CLEC16A: variants seen among roughly 807,000 people sequenced by gnomAD.
CLEC16A encodes the protein C-type lectin domain containing 16A.
CLEC16A carries 51 observed loss-of-function variants against 109.5 expected under a neutral mutation model. That is an observed-to-expected ratio of 0.47 (90% CI 0.37 to 0.59). The LOEUF (loss-of-function observed/expected upper bound fraction) is 0.59. Ranked by LOEUF, CLEC16A falls within the 20% of genes least tolerant of loss-of-function variation. The pLI, the probability that CLEC16A is intolerant of heterozygous loss-of-function variation, is 0.00. For synonymous variants in CLEC16A, 673 were observed against 564.2 expected, an observed-to-expected ratio of 1.19 and a Z score of -2.73; for missense variants, 1,339 against 1,394.0, an observed-to-expected ratio of 0.96 and a Z score of 0.63.
intron 19 of CLEC16A, among the ~76,000 whole-genome samples, chr16:11,111,749 C>G (rs2051601682): frequency 6.6e-6 from 1 of 152,184 alleles, no homozygotes. Flanking sequence ...AGGCATTAGG[C>G]TGTAATTTAA....
chr16:11,147,695 A>G (rs757488903), intron 22 of CLEC16A, among the ~76,000 whole-genome samples: 3 of 152,236 alleles, frequency 2.0e-5, no homozygotes, highest in Non-Finnish European at 4.4e-5. Context: ...TTCTATCTCA[A>G]TGAAACTGTT....
intron 18 of CLEC16A, among the ~76,000 whole-genome samples, chr16:11,054,797 A>C (rs1000762718): frequency 6.6e-6 from 1 of 152,172 alleles, no homozygotes; most frequent in Non-Finnish European, 1.5e-5. Flanking sequence ...GAACACACCA[A>C]TGTGCTTTGA....
intron 11 of CLEC16A, among the ~76,000 whole-genome samples, chr16:11,007,883 A>G (rs1289994728): frequency 6.6e-6 from 1 of 152,054 alleles, no homozygotes; most frequent in Non-Finnish European, 1.5e-5. Context: ...CAGTAGAGAG[A>G]TGTTGTGGGG....
chr16:11,000,714 A>AT (rs1222365827), intron 10 of CLEC16A, among the ~76,000 whole-genome samples: 2 of 152,088 alleles, frequency 1.3e-5, no homozygotes, highest in African/African-American at 4.8e-5. Flanking sequence ...TTTATGTGTC[A>AT]TTTTTTTGTG....
chr16:11,078,938 C>T (rs1017264653), intron 19 of CLEC16A, among the ~76,000 whole-genome samples: 3 of 152,178 alleles, frequency 2.0e-5, no homozygotes, highest in African/African-American at 7.2e-5. Flanking sequence ...GGAAGTTAAG[C>T]TTGCATACAG....
At chr16:11,027,160 G>C (rs547122760) in intron 13 of CLEC16A, 5 of 1,428,564 alleles carry the variant, frequency 3.5e-6, no homozygotes, top group African/African-American at 2.8e-5. Flanking sequence ...AAAGGAAAAG[G>C]GCTCAGGTTT....
intron 22 of CLEC16A, among the ~76,000 whole-genome samples, chr16:11,145,412 C>T (rs1215792033): frequency 5.9e-5 from 9 of 152,226 alleles, no homozygotes; most frequent in Admixed American, 2.0e-4. Context: ...ATGTCATCCG[C>T]GGCCTCTCCC....
intron 22 of CLEC16A, among the ~76,000 whole-genome samples, chr16:11,165,208 C>T (rs1009071486): frequency 2.0e-5 from 3 of 152,108 alleles, no homozygotes; most frequent in South Asian, 2.1e-4. Context: ...GAACACGTAT[C>T]GGCCAGGTGT....
chr16:11,110,215 C>T (rs1016550852), intron 19 of CLEC16A, among the ~76,000 whole-genome samples: 6 of 152,230 alleles, frequency 3.9e-5, no homozygotes, highest in African/African-American at 1.4e-4. Flanking sequence ...ACAAATACTT[C>T]TTCAGCACCA....
intron 19 of CLEC16A, among the ~76,000 whole-genome samples, chr16:11,100,099 T>G (rs1219825651): frequency 6.6e-6 from 1 of 152,124 alleles, no homozygotes; most frequent in Non-Finnish European, 1.5e-5. Context: ...TTCTTAACTT[T>G]TGCCTAAAAA....
chr16:11,129,002 C>G (rs952791397), intron 22 of CLEC16A, among the ~76,000 whole-genome samples: 10 of 152,196 alleles, frequency 6.6e-5, no homozygotes, highest in African/African-American at 1.7e-4. Context: ...CCACATCTCT[C>G]CTTCTGATCT....
At chr16:11,136,532 T>C (rs544462824) in intron 22 of CLEC16A, among the ~76,000 whole-genome samples, 4 of 152,340 alleles carry the variant, frequency 2.6e-5, no homozygotes, top group Non-Finnish European at 5.9e-5. Flanking sequence ...ATAGGTTCCT[T>C]TTCTACACAT....
At chr16:11,144,555 G>A (rs1400869386) in intron 22 of CLEC16A, among the ~76,000 whole-genome samples, 1 of 152,232 alleles carries the variant, frequency 6.6e-6, no homozygotes, top group South Asian at 2.1e-4. Flanking sequence ...TGGTTCTTTT[G>A]GAAGTACGGA....
At chr16:11,031,969 G>A (rs1045703955) in intron 13 of CLEC16A, among the ~76,000 whole-genome samples, 2 of 152,308 alleles carry the variant, frequency 1.3e-5, no homozygotes, top group Non-Finnish European at 2.9e-5. Flanking sequence ...TCAACATGGG[G>A]ACTACAAACT....
chr16:11,121,150 A>G (rs900502734), intron 20 of CLEC16A, among the ~76,000 whole-genome samples: 1 of 152,202 alleles, frequency 6.6e-6, no homozygotes, highest in Non-Finnish European at 1.5e-5. Context: ...CACATTGAAT[A>G]TGTTCTAAAC....
chr16:11,138,439 C>G (rs2053670742), intron 22 of CLEC16A, among the ~76,000 whole-genome samples: 1 of 152,198 alleles, frequency 6.6e-6, no homozygotes, highest in Non-Finnish European at 1.5e-5. Context: ...ATTGAAGGTT[C>G]TAAGACAGAT....
chr16:11,024,865 A>T lies in CLEC16A; in HGVS notation c.1481A>T (p.Asp494Val). Residue 494 changes from aspartate to valine, a missense_variant, in exon 13 of 24, where the codon GAT becomes GTT. By Grantham distance (152) the Asp-to-Val change is radical (BLOSUM62 -3). Transcript: ENST00000409790. ...MVYHALDSPD[D>V]DYHALFVLCL... ...TACCACGCGCTGGACAGCCCGGATG[A>T]TGATTACCATGCCCTGTTCGTGCTC... 1.2e-6 allele frequency: 2 copies of T among 1,609,958 alleles called. No homozygotes were observed. Among genetic ancestry groups the T allele is most frequent in the South Asian group, 2.2e-5 (2 of 89,848 alleles).
chr16:11,144,341 A>G (rs2053964389), intron 22 of CLEC16A, among the ~76,000 whole-genome samples: 1 of 152,192 alleles, frequency 6.6e-6, no homozygotes, highest in Admixed American at 6.5e-5. Flanking sequence ...AGCTCAGCAT[A>G]GCCCTTGGGT....
chr16:10,962,271 A>T (rs934518728), intron 2 of CLEC16A, among the ~76,000 whole-genome samples, 184 bp from the exon 3 acceptor site: 3 of 152,044 alleles, frequency 2.0e-5, no homozygotes, highest in African/African-American at 7.3e-5. Flanking sequence ...TAATACTCAT[A>T]ATTATATCTT....
Sources: allele counts gnomAD v4.1 joint callset (sites outside exome capture counted in the v4.1 genomes callset), GRCh38; gene constraint gnomAD v4.1.1; transcripts MANE v1.5; gene names NCBI Gene and HGNC (gene_info 2026-07-23, HGNC 2026-07-21).